The following DCC variants were observed in gnomAD, a reference collection of about 807,000 sequenced individuals.
The protein encoded by DCC is DCC netrin 1 receptor.
In DCC, 58 loss-of-function variants were observed where a neutral mutation model predicts 172.5. The ratio of observed to expected loss-of-function variants is 0.34; its 90% confidence interval spans 0.27 to 0.42. The LOEUF is 0.42. DCC is among the 10% of genes least tolerant of loss of function. DCC has a pLI of 1.00. For synonymous variants in DCC, 709 were observed against 644.5 expected (o/e 1.10, Z -1.52); for missense variants, 1,740 against 1,791.0 (o/e 0.97, Z 0.51).
chr18:53,098,426 T>A (rs2043117571), intron 7 of DCC, among the ~76,000 whole-genome samples: 1 of 152,202 alleles, frequency 6.6e-6, no homozygotes, highest in Admixed American at 6.5e-5. Flanking sequence ...TGTAACACTT[T>A]TTCCATTTTT....
intron 2 of DCC, among the ~76,000 whole-genome samples, chr18:52,796,170 A>G (rs1490960945): frequency 6.6e-6 from 1 of 151,478 alleles, no homozygotes; most frequent in Non-Finnish European, 1.5e-5. Context: ...TATCGGTGGC[A>G]TATAGCTGAG....
chr18:52,645,894 C>G (rs189758437), intron 1 of DCC, among the ~76,000 whole-genome samples: 314 of 152,272 alleles, frequency 2.1e-3, no homozygotes, highest in African/African-American at 7.2e-3. Context: ...AGAGCTTCAG[C>G]TTTCACAGGG....
At chr18:53,006,188 C>T (rs879285888) in intron 5 of DCC, among the ~76,000 whole-genome samples, 1 of 152,126 alleles carries the variant, frequency 6.6e-6, no homozygotes, top group Non-Finnish European at 1.5e-5. Context: ...ACAGAAAATT[C>T]AAACTGGCTT....
intron 12 of DCC, 112 bp downstream of exon 12, chr18:53,215,709 G>A (rs760561456): frequency 4.6e-6 from 4 of 863,530 alleles, no homozygotes; most frequent in Non-Finnish European, 8.0e-6. Context: ...TCCATGTGCA[G>A]AAATGTTCTG....
intron 24 of DCC, among the ~76,000 whole-genome samples, chr18:53,461,188 G>A (rs1372539604): frequency 6.6e-6 from 1 of 152,054 alleles, no homozygotes; most frequent in Non-Finnish European, 1.5e-5. Context: ...TTAGCCCTTT[G>A]TCAGATGAGT....
intron 1 of DCC, among the ~76,000 whole-genome samples, chr18:52,734,459 G>A (rs1171638095): frequency 6.6e-6 from 1 of 152,086 alleles, no homozygotes; most frequent in Non-Finnish European, 1.5e-5. Context: ...ATGTTCAACA[G>A]CAATCTCATC....
intron 18 of DCC, 55 bp from the exon 19 acceptor site, chr18:53,402,731 T>C (rs78010192): frequency 1.7e-5 from 11 of 639,584 alleles, no homozygotes; most frequent in Non-Finnish European, 2.6e-5. Flanking sequence ...TTTCCAACAA[T>C]GTTTATTTTC....
At chr18:52,981,147 A>G (rs1305912663) in intron 5 of DCC, among the ~76,000 whole-genome samples, 1 of 152,076 alleles carries the variant, frequency 6.6e-6, no homozygotes, top group Non-Finnish European at 1.5e-5. Flanking sequence ...GATAATCACA[A>G]CAAAATATAA....
At position 53,047,630 on chromosome 18, in the gene DCC, A is replaced by G. The variant is rs1040227879; in HGVS notation, c.986-15675A>G. The stretch of plus-strand genomic sequence containing the variant: ...TTGCAAGTCTCAAGCTTTTACACAG[A>G]CATATTGCTTTTTTTCAGCTCATCA... On this transcript the variant is annotated intron_variant, in intron 5 of 28. Coordinates refer to ENST00000442544, the MANE Select transcript of DCC (RefSeq NM_005215.4). Among the ~76,000 whole-genome samples, 4 of 150,512 alleles carry G rather than the reference A, an allele frequency of 2.7e-5. No homozygotes were observed. In the South Asian group the frequency reaches 8.4e-4, roughly 32 times the overall value.
chr18:52,572,411 T>G (rs2033320497), intron 1 of DCC, among the ~76,000 whole-genome samples: 1 of 152,224 alleles, frequency 6.6e-6, no homozygotes, highest in Non-Finnish European at 1.5e-5. Context: ...TCAAGGCAGC[T>G]TGAGCCTGTC....
At chr18:52,973,158 G>A (rs1293460921) in intron 5 of DCC, among the ~76,000 whole-genome samples, 1 of 152,124 alleles carries the variant, frequency 6.6e-6, no homozygotes, top group Non-Finnish European at 1.5e-5. Flanking sequence ...CTTCAATTGG[G>A]TCTTTCTTTA....
At chr18:53,018,320 C>T (rs1465017098) in intron 5 of DCC, among the ~76,000 whole-genome samples, 1 of 152,130 alleles carries the variant, frequency 6.6e-6, no homozygotes, top group African/African-American at 2.4e-5. Context: ...CTGTCAGCTG[C>T]GTTGGTTTTA....
At chr18:52,769,968 A>G (rs2037313898) in intron 2 of DCC, among the ~76,000 whole-genome samples, 1 of 152,114 alleles carries the variant, frequency 6.6e-6, no homozygotes. Flanking sequence ...AACTGCCATC[A>G]TCTCTTGCCT....
In DCC at chr18:52,414,828, C is replaced by T. The variant is rs947273262; in HGVS notation, c.91+73950C>T. On this transcript the variant is annotated intron_variant, in intron 1 of 28. Coordinates refer to ENST00000442544, the MANE Select transcript of DCC (RefSeq NM_005215.4). ...GTGAAAAATGCAGTAGTTAATTGCT[C>T]CTGACATTTAATTGGTTTATGCTTC... Among the ~76,000 whole-genome samples, 3 of 152,154 alleles carry T rather than the reference C, an allele frequency of 2.0e-5. No individual in the cohort carries two copies. The South Asian group carries it at 6.2e-4, about 31-fold the overall frequency.
chr18:52,962,262 G>GA (rs1203518057), intron 5 of DCC, among the ~76,000 whole-genome samples: 1 of 151,488 alleles, frequency 6.6e-6, no homozygotes, highest in African/African-American at 2.4e-5. Flanking sequence ...AAATTTACAA[G>GA]AAAAAAACAA....
At chr18:53,059,111 A>G (rs2144065898) in intron 5 of DCC, among the ~76,000 whole-genome samples, 1 of 152,166 alleles carries the variant, frequency 6.6e-6, no homozygotes, top group South Asian at 2.1e-4. Flanking sequence ...CCAAAGGGGG[A>G]AAAGCCTCTT....
intron 9 of DCC, among the ~76,000 whole-genome samples, chr18:53,180,628 C>T (rs2055179639): frequency 1.3e-5 from 2 of 152,110 alleles, no homozygotes; most frequent in South Asian, 4.1e-4. Context: ...ATGCCAATTT[C>T]CTCTTCATAA....
chr18:53,374,562 A>G (rs1029242577), intron 15 of DCC, among the ~76,000 whole-genome samples: 4 of 152,186 alleles, frequency 2.6e-5, no homozygotes, highest in African/African-American at 9.7e-5. Context: ...ATTCATACAC[A>G]CACGTACACA....
At chr18:52,751,605 T>A (rs2036995327) in intron 1 of DCC, among the ~76,000 whole-genome samples, 1 of 152,214 alleles carries the variant, frequency 6.6e-6, no homozygotes, top group South Asian at 2.1e-4. Context: ...TATAGAACCC[T>A]GTATCAGATT....
Sources: gnomAD v4.1 joint callset for allele counts (sites outside exome capture counted in the v4.1 genomes callset) on GRCh38, gnomAD v4.1.1 for gene constraint, MANE v1.5 for transcripts, NCBI Gene and HGNC (gene_info 2026-07-23, HGNC 2026-07-21) for gene names.